ROMO1: variants seen among roughly 807,000 people sequenced by gnomAD.
ROMO1 encodes the protein PCM19.
ROMO1 carries 8 observed loss-of-function variants against 7.4 expected under a neutral mutation model. That is an observed-to-expected ratio of 1.08 (90% CI 0.63 to 1.95). The LOEUF (loss-of-function observed/expected upper bound fraction) is 1.95, where lower values mean the gene tolerates loss of function less well. Among genes scored for constraint, ROMO1 ranks in the 30% most tolerant of loss-of-function variants. ROMO1 has a pLI of 0.00. For synonymous variants in ROMO1, 43 were observed against 41.4 expected, an observed-to-expected ratio of 1.04 and a Z score of -0.15; for missense variants, 91 against 115.9, an observed-to-expected ratio of 0.79 and a Z score of 0.99.
Position 35,699,855 on chromosome 20 carries a change from TTCGACTTCC to T in ROMO1, c.131+93_131+101del. On this transcript the variant is annotated intron_variant, in intron 2 of 2. Coordinates refer to ENST00000374077, the MANE Select transcript of ROMO1 (RefSeq NM_080748.3). The surrounding 1 kb of genome is among the most constrained non-coding windows in gnomAD (Gnocchi z 4.4). ...TGGAGCCTGAACACAGCCTCCTTCT[TTCGACTTCC>T]CTCTCTGTCCCCTCGCGAGCCAGAC... 6.8e-7 allele frequency: 1 copy of T among 1,464,702 alleles called. No individual in the cohort carries two copies. The highest frequency in any genetic ancestry group is 9.1e-7 in the Non-Finnish European group (1 of 1,097,892). The allele number at this position is 1,464,702 out of a possible 1,614,324, so 90.7% of individuals were successfully genotyped here.
At position 35,699,847 on chromosome 20, in the gene ROMO1, C is replaced by T. The variant is rs2035222605; in HGVS notation, c.131+84C>T. Reference sequence around the variant, plus strand: ...ATTCGGCCTGGAGCCTGAACACAGCCTCCTTCTTTCGACTTCCCTCTCTGT... The same window carrying T: ...ATTCGGCCTGGAGCCTGAACACAGCTTCCTTCTTTCGACTTCCCTCTCTGT... On this transcript the variant is annotated intron_variant, in intron 2 of 2. Transcript: ENST00000374077. The surrounding 1 kb of genome is among the most constrained non-coding windows in gnomAD (Gnocchi z 4.4). 6.7e-7 allele frequency: 1 copy of T among 1,485,182 alleles called. No homozygotes were observed. The highest frequency in any genetic ancestry group is 2.1e-5 in the Admixed American group (1 of 46,668). 92.0% of individuals were successfully genotyped at this position (1,485,182 alleles called of 1,614,324 possible). A position where few individuals can be genotyped will look rare whatever the true frequency, so the allele number is the denominator to read the frequency against.
rs1006703192 is a variant in ROMO1, at chr20:35,699,452, G to A, written c.-5G>A. On this transcript the variant is annotated 5_prime_UTR_variant, in exon 1 of 3. The change creates a new upstream start codon in the 5' untranslated region. Transcript: ENST00000374077. The surrounding 1 kb of genome is among the most constrained non-coding windows in gnomAD (Gnocchi z 4.4). The stretch of plus-strand genomic sequence containing the variant: ...CTGAGCGACCCAGCCCGCGAGCGAG[G>A]TGAGGTAGGCGCCGGGCGACGCGGG... 9 of 1,182,148 alleles carry A rather than the reference G, an allele frequency of 7.6e-6. No homozygotes were observed. Among genetic ancestry groups the A allele is most frequent in the Admixed American group, 2.7e-5 (1 of 37,612 alleles). 73.2% of individuals were successfully genotyped at this position (1,182,148 alleles called of 1,614,324 possible). A position where few individuals can be genotyped will look rare whatever the true frequency, so the allele number is the denominator to read the frequency against.
In ROMO1 at chr20:35,699,605, T is replaced by G; in HGVS notation, c.1-28T>G. The G allele has an allele frequency of 6.2e-7, 1 of 1,609,914 alleles. No homozygotes were observed. Among genetic ancestry groups the G allele is most frequent in the East Asian group, 2.2e-5 (1 of 44,796 alleles). On this transcript the variant is annotated intron_variant, in intron 1 of 2. Coordinates refer to ENST00000374077, the MANE Select transcript of ROMO1 (RefSeq NM_080748.3). This position sits in a 1 kb window ranked among gnomAD's most constrained non-coding sequence, Gnocchi z 4.4. ...CCCGCCCGACTCTTGGGCCAGCGCC[T>G]GGGCCCACACTTTCCTATCCCCCGC... is the stretch of plus-strand genomic sequence containing the variant.
At position 35,700,830 on chromosome 20, in the gene ROMO1, G is replaced by C; in HGVS notation, c.164G>C (p.Gly55Ala). 1 of 1,614,192 alleles carries C rather than the reference G, an allele frequency of 6.2e-7. No homozygotes were observed. The highest frequency in any genetic ancestry group is 1.1e-5 in the South Asian group (1 of 91,088). The change falls in exon 3 of 3, where the codon GGC (glycine) becomes GCC (alanine). Residue 55 changes from glycine (G) to alanine (A), a missense_variant. Transcript: ENST00000374077. Reference protein sequence around the residue: ...IGMRGRELMGGIGKTMMQSGG... With the variant: ...IGMRGRELMGAIGKTMMQSGG... The stretch of plus-strand genomic sequence containing the variant: ...ATGCGGGGTCGAGAGCTGATGGGCG[G>C]CATTGGGAAAACCATGATGCAGAGT...
chr20:35,699,614 A>G lies in ROMO1; in HGVS notation c.1-19A>G. The G allele has an allele frequency of 1.2e-6, 2 of 1,611,186 alleles. No homozygotes were observed. Among genetic ancestry groups the G allele is most frequent in the Non-Finnish European group, 1.7e-6 (2 of 1,179,860 alleles). ...CTCTTGGGCCAGCGCCTGGGCCCAC[A>G]CTTTCCTATCCCCCGCAGATGCCGG... On this transcript the variant is annotated intron_variant, in intron 1 of 2. Transcript: ENST00000374077. This position sits in a 1 kb window ranked among gnomAD's most constrained non-coding sequence, Gnocchi z 4.4.
At chr20:35,700,699 G>A (rs567000278) in intron 2 of ROMO1, 99 bp from the exon 3 acceptor site, 261 of 849,684 alleles carry the variant, frequency 3.1e-4, no homozygotes, top group Non-Finnish European at 4.7e-4. Flanking sequence ...CAGATGTAGG[G>A]GTTGCTAGAC....
intron 2 of ROMO1, among the ~76,000 whole-genome samples, chr20:35,700,564 T>A (rs1233562239): frequency 6.6e-6 from 1 of 152,130 alleles, no homozygotes; most frequent in African/African-American, 2.4e-5. Flanking sequence ...ATCTGCTGCC[T>A]CCCACAAACT....
rs1319495882 is a variant in ROMO1 at position 35,699,768 on chromosome 20, G to A, written c.131+5G>A. The A allele has an allele frequency of 6.2e-7, 1 of 1,605,736 alleles. No individual in the cohort carries two copies. The highest frequency in any genetic ancestry group is 1.7e-4 in the Middle Eastern group (1 of 6,050). On this transcript the variant is annotated splice_donor_5th_base_variant and intron_variant, in intron 2 of 2. Coordinates refer to ENST00000374077, the MANE Select transcript of ROMO1 (RefSeq NM_080748.3). The surrounding 1 kb of genome is among the most constrained non-coding windows in gnomAD (Gnocchi z 4.4). ...CGGCACCTTTTCCTGTCTCAGGTGAGGGGCGCGGGCGGTGATCTCTGGGCA... is the reference window on the plus strand; with the variant it reads ...CGGCACCTTTTCCTGTCTCAGGTGAAGGGCGCGGGCGGTGATCTCTGGGCA...
intron 2 of ROMO1, among the ~76,000 whole-genome samples, chr20:35,700,168 C>T (rs1601543206): frequency 1.3e-5 from 2 of 151,782 alleles, no homozygotes; most frequent in Admixed American, 6.6e-5. Context: ...TCCAATTGCG[C>T]ATAAGGAAAG....
In ROMO1 at chr20:35,700,876, C is replaced by G. The variant is rs1196209777; in HGVS notation, c.210C>G (p.Phe70Leu). 6.2e-7 allele frequency: 1 copy of G among 1,614,022 alleles called. No homozygotes were observed. The change falls in exon 3 of 3, where the codon TTC becomes TTG. Residue 70 changes from phenylalanine (F) to leucine (L), a missense_variant. Transcript: ENST00000374077. ...AGAGTGGCGGCACCTTTGGCACATT[C>G]ATGGCCATTGGGATGGGCATCCGAT... ...MMQSGGTFGT[F>L]MAIGMGIRC
At position 35,700,833 on chromosome 20, in the gene ROMO1, T is replaced by C. The variant is rs2035252203; in HGVS notation, c.167T>C (p.Ile56Thr). The C allele has an allele frequency of 6.2e-7, 1 of 1,614,232 alleles. No homozygotes were observed. Among genetic ancestry groups the C allele is most frequent in the Non-Finnish European group, 8.5e-7 (1 of 1,180,038 alleles). Reference protein sequence around the residue: ...GMRGRELMGGIGKTMMQSGGT... With the variant: ...GMRGRELMGGTGKTMMQSGGT... ...CGGGGTCGAGAGCTGATGGGCGGCA[T>C]TGGGAAAACCATGATGCAGAGTGGC... Residue 56 changes from isoleucine to threonine, a missense_variant, in exon 3 of 3, where the codon ATT becomes ACT. By Grantham distance (89) the Ile-to-Thr change is moderately conservative. Coordinates refer to ENST00000374077, the MANE Select transcript of ROMO1 (RefSeq NM_080748.3).
At chr20:35,700,124 GTAAC>G (rs1169223159) in intron 2 of ROMO1, among the ~76,000 whole-genome samples, 1 of 152,180 alleles carries the variant, frequency 6.6e-6, no homozygotes, top group Admixed American at 6.5e-5. Flanking sequence ...TAAGTGCTCA[GTAAC>G]TAGTTACTAC....
chr20:35,700,969 A>G lies in ROMO1; in HGVS notation c.*63A>G, dbSNP rs1184385190. ...CCCAGCCCATGTACTAATAAAAGAAAGTCTTTGAGTAGTCAGTGTCCCTCT... is the reference window on the plus strand; with the variant it reads ...CCCAGCCCATGTACTAATAAAAGAAGGTCTTTGAGTAGTCAGTGTCCCTCT... On this transcript the variant is annotated 3_prime_UTR_variant, in exon 3 of 3. Coordinates refer to ENST00000374077, the MANE Select transcript of ROMO1 (RefSeq NM_080748.3). 7.8e-6 allele frequency: 9 copies of G among 1,150,636 alleles called. No homozygotes were observed. Among genetic ancestry groups the G allele is most frequent in the Non-Finnish European group, 1.2e-5 (9 of 758,326 alleles). 71.3% of individuals were successfully genotyped at this position (1,150,636 alleles called of 1,614,324 possible).
At chr20:35,700,689 C>T in intron 2 of ROMO1, 109 bp from the exon 3 acceptor site, 1 of 796,428 alleles carries the variant, frequency 1.3e-6, no homozygotes, top group Middle Eastern at 2.2e-4. Flanking sequence ...AGTGGAAAAT[C>T]AGATGTAGGG....
intron 2 of ROMO1, among the ~76,000 whole-genome samples, chr20:35,700,076 A>T (rs573715423): frequency 6.6e-6 from 1 of 152,304 alleles, no homozygotes; most frequent in South Asian, 2.1e-4. Flanking sequence ...AGTTGTAAAA[A>T]TTCGATCAGC....
chr20:35,700,474 AAGAC>A (rs1487727581), intron 2 of ROMO1, among the ~76,000 whole-genome samples: 1 of 152,166 alleles, frequency 6.6e-6, no homozygotes, highest in African/African-American at 2.4e-5. Flanking sequence ...AAGAAACTAA[AAGAC>A]AGATGTCTTT....
Position 35,700,819 on chromosome 20 carries a change from G to C in ROMO1, c.153G>C (p.Glu51Asp). ...SCLRIGMRGR[E>D]LMGGIGKTMM... ...TCAGGATCGGAATGCGGGGTCGAGAGCTGATGGGCGGCATTGGGAAAACCA... is the reference window on the plus strand; with the variant it reads ...TCAGGATCGGAATGCGGGGTCGAGACCTGATGGGCGGCATTGGGAAAACCA... The change falls in exon 3 of 3, where the codon GAG becomes GAC. Residue 51 changes from glutamate (E) to aspartate (D), a missense_variant. Transcript: ENST00000374077. 1.2e-6 allele frequency: 2 copies of C among 1,614,210 alleles called. No individual in the cohort carries two copies. Among genetic ancestry groups the C allele is most frequent in the Non-Finnish European group, 1.7e-6 (2 of 1,180,032 alleles).
chr20:35,699,517 T>A lies in ROMO1; in HGVS notation c.-1+61T>A. The A allele has an allele frequency of 6.9e-7, 1 of 1,451,036 alleles. No homozygotes were observed. Among genetic ancestry groups the A allele is most frequent in the Non-Finnish European group, 9.4e-7 (1 of 1,066,588 alleles). 89.9% of individuals were successfully genotyped at this position (1,451,036 alleles called of 1,614,324 possible). A position where few individuals can be genotyped will look rare whatever the true frequency, so the allele number is the denominator to read the frequency against. ...AGGGTGGTGGAGTCGGGCTACCCACTGATTTTCCTTCCCTTACTTCCCCTG... is the reference window on the plus strand; with the variant it reads ...AGGGTGGTGGAGTCGGGCTACCCACAGATTTTCCTTCCCTTACTTCCCCTG... On this transcript the variant is annotated intron_variant, in intron 1 of 2. Transcript: ENST00000374077. This position sits in a 1 kb window ranked among gnomAD's most constrained non-coding sequence, Gnocchi z 4.4.
In ROMO1 at chr20:35,699,857, C is replaced by A; in HGVS notation, c.131+94C>A. 1 of 1,454,662 alleles carries A rather than the reference C, an allele frequency of 6.9e-7. No homozygotes were observed. The highest frequency in any genetic ancestry group is 9.2e-7 in the Non-Finnish European group (1 of 1,089,644). The allele number at this position is 1,454,662 out of a possible 1,614,324, so 90.1% of individuals were successfully genotyped here. ...GAGCCTGAACACAGCCTCCTTCTTT[C>A]GACTTCCCTCTCTGTCCCCTCGCGA... is the stretch of plus-strand genomic sequence containing the variant. On this transcript the variant is annotated intron_variant, in intron 2 of 2. Transcript: ENST00000374077. This position sits in a 1 kb window ranked among gnomAD's most constrained non-coding sequence, Gnocchi z 4.4.
Sources: allele counts gnomAD v4.1 joint callset (sites outside exome capture counted in the v4.1 genomes callset), GRCh38; gene constraint gnomAD v4.1.1; non-coding constraint Gnocchi (gnomAD v3.1); transcripts MANE v1.5; gene names NCBI Gene and HGNC (gene_info 2026-07-23, HGNC 2026-07-21).